The following RPH3AL variants were observed in gnomAD, a reference collection of about 807,000 sequenced individuals.
RPH3AL encodes the protein rabphilin 3A like (without C2 domains).
RPH3AL carries 38 observed loss-of-function variants against 43.1 expected under a neutral mutation model. That is an observed-to-expected ratio of 0.88 (90% confidence interval 0.68 to 1.15). RPH3AL has a LOEUF of 1.15. Ranked by LOEUF, RPH3AL falls within the 50% of genes most tolerant of loss-of-function variation. The pLI, the probability that RPH3AL is intolerant of heterozygous loss-of-function variation, is 0.00. For missense variants in RPH3AL, 462 were observed against 423.2 expected, an observed-to-expected ratio of 1.09 and a Z score of -0.81; for synonymous variants, 189 against 176.3, an observed-to-expected ratio of 1.07 and a Z score of -0.57.
At position 327,540 on chromosome 17, in the gene RPH3AL, C is replaced by T. The variant is rs2044647379; in HGVS notation, c.4G>A (p.Ala2Thr). 6.2e-7 allele frequency: 1 copy of T among 1,613,592 alleles called. No individual in the cohort carries two copies. The highest frequency in any genetic ancestry group is 1.1e-5 in the South Asian group (1 of 91,074). ...TTCCCGCTGCCGAAGATGGTGTCGG[C>T]CATGGCTCGGAGCACCCGGCTGGGG... M[A>T]DTIFGSGNDQ... is the part of the protein sequence containing the mutation. Residue 2 changes from alanine to threonine, a missense_variant, in exon 3 of 10, where the codon GCC (alanine) becomes ACC (threonine). Ala to Thr is a moderately conservative substitution (Grantham distance 58). Transcript: ENST00000331302.
chr17:220,348 C>A (rs1426608348), intron 7 of RPH3AL, among the ~76,000 whole-genome samples: 1 of 151,164 alleles, frequency 6.6e-6, no homozygotes. Flanking sequence ...CTCACTGAGA[C>A]AATAGACCCA....
chr17:214,021 G>A, intron 9 of RPH3AL, 98 bp from the exon 10 acceptor site: 1 of 900,228 alleles, frequency 1.1e-6, no homozygotes, highest in Non-Finnish European at 1.7e-6. Context: ...GGAGGAGCTG[G>A]TGGGGAAGGC....
chr17:325,108 G>A lies in RPH3AL; in HGVS notation c.77+2359C>T, dbSNP rs536109844. On this transcript the variant is annotated intron_variant, in intron 3 of 9. Coordinates refer to ENST00000331302, the MANE Select transcript of RPH3AL (RefSeq NM_006987.4). The stretch of plus-strand genomic sequence containing the variant: ...ACTCCTGGCCTCAGGTGATCCGCCC[G>A]CCTCAGCCTCCCAAAGTGCTGGGAT... Among the ~76,000 whole-genome samples, 8 of 152,260 alleles carry A rather than the reference G, an allele frequency of 5.3e-5. No individual in the cohort carries two copies. The East Asian group carries it at 9.7e-4, about 18-fold the overall frequency.
At chr17:344,976 C>T (rs2045209628) in intron 1 of RPH3AL, among the ~76,000 whole-genome samples, 1 of 135,562 alleles carries the variant, frequency 7.4e-6, no homozygotes, top group African/African-American at 2.5e-5. Context: ...GCAGGAGGCC[C>T]GTTGGTGAGG....
intron 3 of RPH3AL, among the ~76,000 whole-genome samples, chr17:326,156 C>T (rs1041387802): frequency 4.6e-5 from 7 of 152,234 alleles, no homozygotes; most frequent in African/African-American, 1.2e-4. Flanking sequence ...GAGAGGGAGA[C>T]GGACCGACCT....
rs868923873 is a variant in RPH3AL at position 264,532 on chromosome 17, C to T, written c.438+17236G>A. Among the ~76,000 whole-genome samples, 21 of 149,802 alleles carry T rather than the reference C, an allele frequency of 1.4e-4. 1 individual carries two copies. Among genetic ancestry groups the T allele is most frequent in the Middle Eastern group, 3.4e-3 (1 of 292 alleles). ...AGCAGGATTACCCTTCGGAGCCGTG[C>T]GCGCTGGATGGGGACTCAGAATCCG... On this transcript the variant is annotated intron_variant, in intron 6 of 9. Transcript: ENST00000331302. The surrounding 1 kb of genome is among the most constrained non-coding windows in gnomAD (Gnocchi z 4.8).
At chr17:279,073 G>A (rs1052760339) in intron 6 of RPH3AL, among the ~76,000 whole-genome samples, 22 of 152,278 alleles carry the variant, frequency 1.4e-4, no homozygotes, top group Admixed American at 5.9e-4. Context: ...TGGCTTTTGC[G>A]GGGAGACATA....
chr17:230,397 G>A (rs1597889286), intron 7 of RPH3AL, among the ~76,000 whole-genome samples: 4 of 152,226 alleles, frequency 2.6e-5, no homozygotes, highest in Admixed American at 6.5e-5. Flanking sequence ...GAGAGAACGC[G>A]AAGTGCGGGG....
chr17:351,797 G>A (rs1412626440), intron 1 of RPH3AL, among the ~76,000 whole-genome samples: 2 of 151,856 alleles, frequency 1.3e-5, no homozygotes, highest in African/African-American at 2.4e-5. Flanking sequence ...CAAATAGAAG[G>A]CAGATGAAAA....
At chr17:299,258 G>A (rs781420254) in intron 5 of RPH3AL, among the ~76,000 whole-genome samples, 21 of 151,514 alleles carry the variant, frequency 1.4e-4, no homozygotes, top group South Asian at 2.1e-4. Context: ...CCCGAATGCC[G>A]CTGCTGTCTG....
intron 5 of RPH3AL, among the ~76,000 whole-genome samples, chr17:296,774 G>T (rs2043190983): frequency 6.6e-6 from 1 of 152,212 alleles, no homozygotes; most frequent in Non-Finnish European, 1.5e-5. Flanking sequence ...TGAAAAAAAG[G>T]GTGTGGAAGG....
intron 1 of RPH3AL, among the ~76,000 whole-genome samples, chr17:344,061 C>G (rs1186313461): frequency 1.2e-5 from 1 of 84,626 alleles, no homozygotes; most frequent in African/African-American, 3.4e-5. Flanking sequence ...ATCGTCACCA[C>G]TGTCATCATC....
intron 5 of RPH3AL, among the ~76,000 whole-genome samples, chr17:293,807 T>C (rs1322558444): frequency 6.6e-6 from 1 of 151,924 alleles, no homozygotes; most frequent in Non-Finnish European, 1.5e-5. Flanking sequence ...GGTGGGCGGA[T>C]CGCCTGAGGT....
At chr17:325,704 C>T (rs2044603182) in intron 3 of RPH3AL, among the ~76,000 whole-genome samples, 1 of 152,224 alleles carries the variant, frequency 6.6e-6, no homozygotes, top group African/African-American at 2.4e-5. Context: ...CCCACCTGTG[C>T]TTTAAGACCA....
intron 1 of RPH3AL, chr17:341,271 C>T (rs888908263): frequency 2.0e-5 from 3 of 152,146 alleles, no homozygotes; most frequent in African/African-American, 7.2e-5. Flanking sequence ...CAAACACTCC[C>T]TCAGAGCAGG....
intron 2 of RPH3AL, among the ~76,000 whole-genome samples, chr17:329,789 T>C (rs995591742): frequency 2.0e-5 from 3 of 152,234 alleles, no homozygotes; most frequent in Admixed American, 2.0e-4. Flanking sequence ...TTCGCTGAAG[T>C]CCTTGAAGGA....
At chr17:316,603 ACTTCCATTGACTTGTAGTC>A (rs2044215587) in intron 5 of RPH3AL, among the ~76,000 whole-genome samples, 1 of 97,032 alleles carries the variant, frequency 1.0e-5, no homozygotes, top group African/African-American at 4.8e-5. Flanking sequence ...CCTGTGCTCC[ACTTCCATTGACTTGTAGTC>A]CCTGTACTCC....
intron 5 of RPH3AL, among the ~76,000 whole-genome samples, chr17:309,185 C>T (rs1435305272): frequency 1.3e-5 from 2 of 152,100 alleles, no homozygotes; most frequent in African/African-American, 4.8e-5. Context: ...GTCCTAGCTC[C>T]TAGGGAGGCC....
At position 274,079 on chromosome 17, in the gene RPH3AL, T is replaced by C. The variant is rs138934814; in HGVS notation, c.438+7689A>G. Among the ~76,000 whole-genome samples, 1 of 152,206 alleles carries C rather than the reference T, an allele frequency of 6.6e-6. No individual in the cohort carries two copies. Among genetic ancestry groups the C allele is most frequent in the African/African-American group, 2.4e-5 (1 of 41,440 alleles). The stretch of plus-strand genomic sequence containing the variant: ...ATCACTTTGAGTGAGTCATTCTTCG[T>C]TTTCGTTTAGTGGATAGGGATTCGA... On this transcript the variant is annotated intron_variant, in intron 6 of 9. Coordinates refer to ENST00000331302, the MANE Select transcript of RPH3AL (RefSeq NM_006987.4). The surrounding 1 kb of genome is among the most constrained non-coding windows in gnomAD (Gnocchi z 4.7).
Sources: allele counts gnomAD v4.1 joint callset (sites outside exome capture counted in the v4.1 genomes callset), GRCh38; gene constraint gnomAD v4.1.1; non-coding constraint Gnocchi (gnomAD v3.1); transcripts MANE v1.5; gene names NCBI Gene and HGNC (gene_info 2026-07-23, HGNC 2026-07-21).